OPRM1: variants seen among roughly 807,000 people sequenced by gnomAD.
OPRM1 encodes the protein mu-type opioid receptor.
In OPRM1, 27 loss-of-function variants were observed where a neutral mutation model predicts 31.8. That is an observed-to-expected ratio of 0.85 (90% CI 0.63 to 1.17). OPRM1 has a LOEUF of 1.17. Ranked by LOEUF, OPRM1 falls within the 50% of genes most tolerant of loss-of-function variation. OPRM1 has a pLI of 0.00. For missense variants in OPRM1, 536 were observed against 511.1 expected, an observed-to-expected ratio of 1.05 and a Z score of -0.47; for synonymous variants, 196 against 189.9, an observed-to-expected ratio of 1.03 and a Z score of -0.26.
chr6:154,135,814 A>G (rs779913673), downstream of OPRM1, among the ~76,000 whole-genome samples: 31 of 152,262 alleles, frequency 2.0e-4, no homozygotes, highest in Non-Finnish European at 4.3e-4. Context: ...TACTCCCAGC[A>G]GTGCCAAAGC....
At chr6:154,041,269 C>A (rs191774723) in intron 1 of OPRM1, among the ~76,000 whole-genome samples, 145 of 152,258 alleles carry the variant, frequency 9.5e-4, no homozygotes, top group African/African-American at 3.4e-3. Flanking sequence ...AGAGCACCAT[C>A]TATTGAGAGG....
At chr6:154,151,382 C>T (rs922361188) in intron 3 of OPRM1, among the ~76,000 whole-genome samples, 3 of 152,184 alleles carry the variant, frequency 2.0e-5, no homozygotes, top group African/African-American at 7.2e-5. Context: ...GAGCACACAT[C>T]CTACCACAGA....
chr6:154,057,731 T>C (rs182359959), intron 1 of OPRM1, among the ~76,000 whole-genome samples: 23 of 152,318 alleles, frequency 1.5e-4, no homozygotes, highest in African/African-American at 5.5e-4. Flanking sequence ...GAGTCCTGTA[T>C]GAGTGGAATT....
intron 1 of OPRM1, among the ~76,000 whole-genome samples, chr6:154,080,154 T>A (rs1241761799): frequency 6.6e-6 from 1 of 152,224 alleles, no homozygotes; most frequent in Non-Finnish European, 1.5e-5. Flanking sequence ...GACATTTCTA[T>A]CAAGATCATT....
intron 3 of OPRM1, among the ~76,000 whole-genome samples, chr6:154,187,607 G>A (rs1200223175): frequency 6.6e-6 from 1 of 152,186 alleles, no homozygotes; most frequent in Non-Finnish European, 1.5e-5. Flanking sequence ...ATTGTCGAAG[G>A]AGAGAAATTA....
chr6:154,163,348 A>T (rs1002111736), intron 3 of OPRM1, among the ~76,000 whole-genome samples: 3 of 152,228 alleles, frequency 2.0e-5, no homozygotes, highest in Non-Finnish European at 4.4e-5. Context: ...ATTCGGCCTC[A>T]GAGAACCTCA....
chr6:154,050,824 A>G (rs976937095), intron 1 of OPRM1, among the ~76,000 whole-genome samples: 7 of 152,176 alleles, frequency 4.6e-5, no homozygotes, highest in African/African-American at 1.7e-4. Flanking sequence ...TCCTCATGAC[A>G]TGTTTATTTC....
At chr6:154,218,131 T>C (rs1347430179) in intron 3 of OPRM1, among the ~76,000 whole-genome samples, 1 of 152,222 alleles carries the variant, frequency 6.6e-6, no homozygotes, top group Non-Finnish European at 1.5e-5. Flanking sequence ...TATCTGTGGC[T>C]AAGTAGATGG....
rs753111020 is a variant in OPRM1 at position 154,090,118 on chromosome 6, A to G, written c.583A>G (p.Ile195Val). The G allele has an allele frequency of 6.2e-7, 1 of 1,614,076 alleles. No homozygotes were observed. Among genetic ancestry groups the G allele is most frequent in the Non-Finnish European group, 8.5e-7 (1 of 1,180,000 alleles). The change falls in exon 2 of 4, where the codon ATC becomes GTC. Residue 195 changes from isoleucine to valine, a missense_variant. Coordinates refer to ENST00000330432, the MANE Select transcript of OPRM1 (RefSeq NM_000914.5). ...NAKIINVCNWILSSAIGLPVM... is the reference protein window; with the variant it reads ...NAKIINVCNWVLSSAIGLPVM... ...CAAAATTATCAATGTCTGCAACTGG[A>G]TCCTCTCTTCAGCCATTGGTCTTCC...
chr6:154,084,639 G>A (rs1434262715), intron 1 of OPRM1, among the ~76,000 whole-genome samples: 8 of 151,892 alleles, frequency 5.3e-5, no homozygotes, highest in East Asian at 1.9e-4. Flanking sequence ...TTTTTTTCTC[G>A]ACTAAAAAGG....
chr6:154,146,406 A>G lies in OPRM1; in HGVS notation c.1164+54934A>G, dbSNP rs187740848. On this transcript the variant is annotated intron_variant, in intron 3 of 3. Transcript: ENST00000337049. Reference sequence around the variant, plus strand: ...CAGAACAAGACTCCCTCTCAAAAAAAGAAAAGAAAGAAAGTGGAAGAGGAA... The same window carrying G: ...CAGAACAAGACTCCCTCTCAAAAAAGGAAAAGAAAGAAAGTGGAAGAGGAA... 5.3e-5 allele frequency among the ~76,000 whole-genome samples: 8 copies of G among 152,370 alleles called. No homozygotes were observed. The East Asian group carries it at 1.5e-3, about 29-fold the overall frequency.
chr6:154,134,977 A>G (rs1798019126), downstream of OPRM1, among the ~76,000 whole-genome samples: 1 of 152,134 alleles, frequency 6.6e-6, no homozygotes, highest in African/African-American at 2.4e-5. Context: ...ATACCCACCC[A>G]TCATCTATGG....
intron 1 of OPRM1, chr6:154,073,861 G>A (rs772475404): frequency 6.6e-6 from 1 of 152,158 alleles, no homozygotes; most frequent in Non-Finnish European, 1.5e-5. Context: ...AAATTAGCCA[G>A]TGTGGTGGTG....
chr6:154,025,422 G>T (rs969678604), intron 1 of OPRM1, among the ~76,000 whole-genome samples: 2 of 151,814 alleles, frequency 1.3e-5, no homozygotes, highest in African/African-American at 2.4e-5. Context: ...ATCTTTATAG[G>T]TAAAGTGTGT....
At chr6:154,093,628 G>A (rs947667357) in intron 3 of OPRM1, 37 of 1,140,204 alleles carry the variant, frequency 3.2e-5, no homozygotes, top group African/African-American at 1.3e-4. Context: ...TATCTTCATC[G>A]CTGCCTCTAT....
rs1297771044 is a variant in OPRM1, at chr6:154,129,847, C to T, written c.*11126C>T. Among the ~76,000 whole-genome samples, 2 of 130,688 alleles carry T rather than the reference C, an allele frequency of 1.5e-5. No homozygotes were observed. Among genetic ancestry groups the T allele is most frequent in the Admixed American group, 7.3e-5 (1 of 13,660 alleles). The allele number at this position is 130,688 out of a possible 152,430, so 85.7% of individuals were successfully genotyped here. A position where few individuals can be genotyped will look rare whatever the true frequency, so the allele number is the denominator to read the frequency against. ...GTACTTTACCACCGACACCCTCCCCCCCCAGCACACACACACACACACACA... is the reference window on the plus strand; with the variant it reads ...GTACTTTACCACCGACACCCTCCCCTCCCAGCACACACACACACACACACA... On this transcript the variant is annotated 3_prime_UTR_variant, in exon 4 of 4. Transcript: ENST00000330432.
At chr6:154,239,148 C>G (rs1164954169) in intron 3 of OPRM1, among the ~76,000 whole-genome samples, 1 of 151,980 alleles carries the variant, frequency 6.6e-6, no homozygotes, top group Non-Finnish European at 1.5e-5. Flanking sequence ...TCCTGGCTCT[C>G]GGTGTTCCAC....
intron 1 of OPRM1, among the ~76,000 whole-genome samples, chr6:154,014,165 G>A (rs980264836): frequency 6.6e-6 from 1 of 152,142 alleles, no homozygotes; most frequent in Non-Finnish European, 1.5e-5. Context: ...AGAAATATCT[G>A]GAAGAAATAT....
At position 154,124,750 on chromosome 6, in the gene OPRM1, G is replaced by C. The variant is rs1041888851; in HGVS notation, c.*6029G>C. Among the ~76,000 whole-genome samples the C allele has an allele frequency of 6.6e-6, 1 of 152,152 alleles. No homozygotes were observed. Among genetic ancestry groups the C allele is most frequent in the Non-Finnish European group, 1.5e-5 (1 of 68,026 alleles). The stretch of plus-strand genomic sequence containing the variant: ...TTATTGTTTATTTGGGAAGAGCAAG[G>C]TAAGAATCAAGTAGAAATGATAAAG... On this transcript the variant is annotated 3_prime_UTR_variant, in exon 4 of 4. Coordinates refer to ENST00000330432, the MANE Select transcript of OPRM1 (RefSeq NM_000914.5).
Sources: allele counts gnomAD v4.1 joint callset (sites outside exome capture counted in the v4.1 genomes callset), GRCh38; gene constraint gnomAD v4.1.1; transcripts MANE v1.5; gene names NCBI Gene and HGNC (gene_info 2026-07-23, HGNC 2026-07-21).